Variants in INPP4B observed in about 807,000 individuals in gnomAD.
INPP4B encodes inositol polyphosphate 4-phosphatase type II.
A neutral mutation model predicts 122.5 loss-of-function variants in INPP4B; 55 were observed. The observed-to-expected ratio is 0.45, with a 90% CI of 0.36 to 0.56. INPP4B has a LOEUF of 0.56. Ranked by LOEUF, INPP4B falls within the 20% of genes least tolerant of loss-of-function variation. The pLI is 0.00. For missense variants in INPP4B, 1,000 were observed against 1,097.7 expected, an observed-to-expected ratio of 0.91 and a Z score of 1.26; for synonymous variants, 403 against 388.7, an observed-to-expected ratio of 1.04 and a Z score of -0.43.
chr4:142,034,825 G>A (rs935258489), intron 25 of INPP4B, among the ~76,000 whole-genome samples: 7 of 151,964 alleles, frequency 4.6e-5, no homozygotes, highest in African/African-American at 1.7e-4. Context: ...CTAAAGTATG[G>A]CTCCAGTAGC....
At chr4:142,117,058 C>A (rs1793925482) in intron 21 of INPP4B, among the ~76,000 whole-genome samples, 3 of 152,096 alleles carry the variant, frequency 2.0e-5, no homozygotes, top group African/African-American at 7.2e-5. Flanking sequence ...ACTAGAAAAT[C>A]TAGAAGAAAT....
chr4:142,664,939 C>T (rs1456899104), intron 2 of INPP4B, among the ~76,000 whole-genome samples: 1 of 152,162 alleles, frequency 6.6e-6, no homozygotes, highest in Non-Finnish European at 1.5e-5. Context: ...TACTATTCAC[C>T]TAGGCTCTAT....
intron 2 of INPP4B, among the ~76,000 whole-genome samples, chr4:142,477,499 T>C (rs1819940192): frequency 6.6e-6 from 1 of 151,718 alleles, no homozygotes; most frequent in South Asian, 2.1e-4. Context: ...AAGTTGCTTT[T>C]TGAAAAATAA....
chr4:142,832,060 C>T (rs754620791), intron 1 of INPP4B, among the ~76,000 whole-genome samples: 2 of 152,162 alleles, frequency 1.3e-5, no homozygotes, highest in Non-Finnish European at 2.9e-5. Context: ...CCAGCATGTA[C>T]AGTGGTTTTT....
At chr4:142,525,063 C>G (rs1207099722) in intron 2 of INPP4B, among the ~76,000 whole-genome samples, 1 of 150,458 alleles carries the variant, frequency 6.6e-6, no homozygotes, top group Non-Finnish European at 1.5e-5. Context: ...AATCAATGTG[C>G]AAAAATCACA....
At chr4:142,511,611 A>C (rs1035142370) in intron 2 of INPP4B, among the ~76,000 whole-genome samples, 1 of 152,144 alleles carries the variant, frequency 6.6e-6, no homozygotes, top group African/African-American at 2.4e-5. Flanking sequence ...AGAATCACCT[A>C]TGGAGCTTTG....
intron 5 of INPP4B, among the ~76,000 whole-genome samples, chr4:142,414,729 C>T (rs190217302): frequency 6.2e-4 from 94 of 152,208 alleles, no homozygotes; most frequent in African/African-American, 2.1e-3. Flanking sequence ...AGTCTGTGCC[C>T]GCATCTTTTC....
chr4:142,713,064 C>T (rs1763309241), intron 2 of INPP4B, among the ~76,000 whole-genome samples: 1 of 152,176 alleles, frequency 6.6e-6, no homozygotes, highest in South Asian at 2.1e-4. Flanking sequence ...AACAGCATTT[C>T]TCATGTATAT....
chr4:142,481,535 A>G, intron 2 of INPP4B, among the ~76,000 whole-genome samples: 1 of 152,166 alleles, frequency 6.6e-6, no homozygotes, highest in Non-Finnish European at 1.5e-5. Flanking sequence ...TTTGGATATA[A>G]TTTCTCCTTT....
At chr4:142,356,103 A>G (rs1783519181) in intron 7 of INPP4B, among the ~76,000 whole-genome samples, 1 of 151,588 alleles carries the variant, frequency 6.6e-6, no homozygotes, top group South Asian at 2.1e-4. Context: ...GTATAAAATG[A>G]TAAAGTGCTG....
At chr4:142,208,800 C>T (rs1843617514) in intron 13 of INPP4B, 96 bp downstream of exon 13, 2 of 947,026 alleles carry the variant, frequency 2.1e-6, no homozygotes, top group African/African-American at 1.7e-5. Flanking sequence ...ATCTCCAGTT[C>T]TCCTATCTAC....
At chr4:142,558,133 C>T (rs1395638064) in intron 2 of INPP4B, among the ~76,000 whole-genome samples, 1 of 152,182 alleles carries the variant, frequency 6.6e-6, no homozygotes, top group Non-Finnish European at 1.5e-5. Flanking sequence ...TACCTATCAT[C>T]TCAAACTTCT....
rs536616400 is a variant in INPP4B at position 142,248,047 on chromosome 4, C to A, written c.689-10036G>T. On this transcript the variant is annotated intron_variant, in intron 11 of 25. Transcript: ENST00000262992. ...ACCCCTCCTGCCCCTGCCCTCCAGG[C>A]TCCTGTGCTCCCATCTACTCTAGGC... is the stretch of plus-strand genomic sequence containing the variant. Among the ~76,000 whole-genome samples the A allele has an allele frequency of 5.9e-5, 9 of 152,164 alleles. No individual in the cohort carries two copies. The East Asian group carries it at 1.8e-3, about 30-fold the overall frequency.
chr4:142,142,372 G>T (rs1308813506), intron 18 of INPP4B, among the ~76,000 whole-genome samples: 10 of 152,008 alleles, frequency 6.6e-5, no homozygotes, highest in Admixed American at 6.6e-4. Context: ...GTAATCAGAA[G>T]GTTGCTTTTA....
At chr4:142,374,571 T>C (rs965062869) in intron 7 of INPP4B, among the ~76,000 whole-genome samples, 7 of 151,916 alleles carry the variant, frequency 4.6e-5, no homozygotes, top group Admixed American at 1.3e-4. Flanking sequence ...CATGAGTTTT[T>C]AAATTACATT....
chr4:142,831,020 T>TA (rs1312907629), intron 1 of INPP4B, among the ~76,000 whole-genome samples: 1 of 150,964 alleles, frequency 6.6e-6, no homozygotes, highest in African/African-American at 2.4e-5. Flanking sequence ...AGACCCTGTC[T>TA]CAAAAAAGGA....
Position 142,794,997 on chromosome 4 carries a change from C to T in INPP4B, c.-254+51212G>A, listed in dbSNP as rs536821146. Among the ~76,000 whole-genome samples, 5 of 151,760 alleles carry T rather than the reference C, an allele frequency of 3.3e-5. 1 individual carries two copies. The South Asian group carries it at 1.0e-3, about 32-fold the overall frequency. ...GCATAGGAGCATGCACAAGAATATG[C>T]ATCCAGTATTATTTGTAATGGACAA... On this transcript the variant is annotated intron_variant, in intron 1 of 25. Transcript: ENST00000262992.
At chr4:142,610,875 A>G (rs1580496601) in intron 2 of INPP4B, among the ~76,000 whole-genome samples, 1 of 152,328 alleles carries the variant, frequency 6.6e-6, no homozygotes, top group East Asian at 1.9e-4. Flanking sequence ...AGGTTCACCA[A>G]TTTTTAAATC....
intron 11 of INPP4B, among the ~76,000 whole-genome samples, chr4:142,254,856 C>A (rs1467951467): frequency 1.3e-5 from 2 of 151,840 alleles, no homozygotes; most frequent in Non-Finnish European, 2.9e-5. Context: ...ACAGAGAATG[C>A]CACAAAGATA....
Sources: allele counts gnomAD v4.1 joint callset (sites outside exome capture counted in the v4.1 genomes callset), GRCh38; gene constraint gnomAD v4.1.1; transcripts MANE v1.5; gene names NCBI Gene and HGNC (gene_info 2026-07-23, HGNC 2026-07-21).